GNB4: variants seen among roughly 807,000 people sequenced by gnomAD.
GNB4 encodes guanine nucleotide-binding protein subunit beta-4.
GNB4 carries 28 observed loss-of-function variants against 45.2 expected under a neutral mutation model. The observed-to-expected ratio is 0.62, with a 90% CI of 0.46 to 0.85. The LOEUF is 0.85. Among genes scored for constraint, GNB4 ranks in the 40% least tolerant of loss-of-function variants. The pLI is 0.00. For synonymous variants in GNB4, 132 were observed against 143.7 expected (o/e 0.92, Z 0.58); for missense variants, 321 against 425.4 (o/e 0.75, Z 2.16).
chr3:179,465,231 A>C, the GNB4 span: 18 of 1,435,026 alleles, frequency 1.3e-5, no homozygotes, highest in Non-Finnish European at 1.6e-5. Context: ...GTGGATTTTG[A>C]AGGAGTCAGA....
At chr3:179,521,950 CT>C in the GNB4 span, among the ~76,000 whole-genome samples, 1 of 152,168 alleles carries the variant, frequency 6.6e-6, no homozygotes, top group Non-Finnish European at 1.5e-5. Flanking sequence ...CAAGCTGCCC[CT>C]AATCCCACTC....
chr3:179,449,881 C>G (rs1406031829), intron 1 of GNB4, among the ~76,000 whole-genome samples: 6 of 152,146 alleles, frequency 3.9e-5, no homozygotes, highest in African/African-American at 1.4e-4. Context: ...TTCAAATTGC[C>G]CCAGAGTCTA....
At chr3:179,418,596 A>G (rs1714881727) in intron 4 of GNB4, among the ~76,000 whole-genome samples, 1 of 152,182 alleles carries the variant, frequency 6.6e-6, no homozygotes, top group African/African-American at 2.4e-5. Context: ...ATTGTGGTCA[A>G]GTATCCCAAT....
chr3:179,412,267 G>A (rs1360137249), intron 8 of GNB4, among the ~76,000 whole-genome samples: 2 of 151,974 alleles, frequency 1.3e-5, no homozygotes, highest in African/African-American at 4.8e-5. Context: ...AGGAGTTCAA[G>A]AGCAGCCTGG....
chr3:179,506,032 T>C, the GNB4 span, among the ~76,000 whole-genome samples: 1 of 152,214 alleles, frequency 6.6e-6, no homozygotes, highest in African/African-American at 2.4e-5. Context: ...TATTAAAAAG[T>C]TGAATAGCAG....
intron 3 of GNB4, 85 bp downstream of exon 3, chr3:179,420,804 A>T: frequency 2.4e-6 from 2 of 826,698 alleles, no homozygotes; most frequent in Non-Finnish European, 4.2e-6. Flanking sequence ...ATTAAGCACT[A>T]ATACAAGAAT....
chr3:179,492,853 C>T, the GNB4 span, among the ~76,000 whole-genome samples: 2 of 152,210 alleles, frequency 1.3e-5, no homozygotes, highest in African/African-American at 4.8e-5. Flanking sequence ...ACCCCAGCAG[C>T]TTTTGACACT....
At chr3:179,462,921 C>T in the GNB4 span, among the ~76,000 whole-genome samples, 7 of 152,220 alleles carry the variant, frequency 4.6e-5, no homozygotes, top group Middle Eastern at 3.4e-3. Context: ...ATTCTTACCA[C>T]CCAACCCAAC....
At chr3:179,527,030 G>C in the GNB4 span, among the ~76,000 whole-genome samples, 1 of 152,172 alleles carries the variant, frequency 6.6e-6, no homozygotes, top group Admixed American at 6.5e-5. Context: ...GCATTGTTCT[G>C]GGAAAAGGGT....
chr3:179,455,224 G>A (rs1194463857), upstream of GNB4, among the ~76,000 whole-genome samples: 1 of 152,166 alleles, frequency 6.6e-6, no homozygotes, highest in Non-Finnish European at 1.5e-5. Context: ...ATGGGAGAGG[G>A]AACTAGAAGC....
the GNB4 span, among the ~76,000 whole-genome samples, chr3:179,511,799 G>A: frequency 1.3e-5 from 2 of 151,994 alleles, no homozygotes; most frequent in African/African-American, 2.4e-5. Context: ...ACCTCATCTG[G>A]TGCTTTTCAC....
At chr3:179,465,452 A>C in the GNB4 span, 1 of 360,120 alleles carries the variant, frequency 2.8e-6, no homozygotes, top group Non-Finnish European at 5.1e-6. Context: ...AAAATACAAA[A>C]AAAAAAATTA....
intron 1 of GNB4, among the ~76,000 whole-genome samples, chr3:179,435,163 T>G (rs1715410865): frequency 6.6e-6 from 1 of 152,228 alleles, no homozygotes; most frequent in African/African-American, 2.4e-5. Context: ...AAACCCAGGC[T>G]GTTTACCACT....
chr3:179,416,010 ATG>A (rs970026845), intron 5 of GNB4, among the ~76,000 whole-genome samples: 2 of 152,064 alleles, frequency 1.3e-5, no homozygotes, highest in Admixed American at 1.3e-4. Flanking sequence ...CTTCCAGTGG[ATG>A]TATTAGGACC....
chr3:179,422,639 A>T (rs1378019558), intron 2 of GNB4, among the ~76,000 whole-genome samples: 1 of 152,228 alleles, frequency 6.6e-6, no homozygotes, highest in African/African-American at 2.4e-5. Flanking sequence ...CAATTACACA[A>T]GAAAACAAAA....
chr3:179,471,896 T>G, the GNB4 span, among the ~76,000 whole-genome samples: 2 of 152,224 alleles, frequency 1.3e-5, no homozygotes, highest in African/African-American at 4.8e-5. Context: ...CAGTGTGTAC[T>G]AAGAGCATTA....
the GNB4 span, among the ~76,000 whole-genome samples, chr3:179,515,636 G>T: frequency 6.6e-6 from 1 of 152,156 alleles, no homozygotes; most frequent in Non-Finnish European, 1.5e-5. Context: ...CCATCTGGAT[G>T]TATACATGCA....
chr3:179,512,419 T>G, the GNB4 span, among the ~76,000 whole-genome samples: 4 of 152,286 alleles, frequency 2.6e-5, no homozygotes, highest in Admixed American at 6.5e-5. Flanking sequence ...AATGCTACAT[T>G]TAGAGAACAA....
chr3:179,464,292 C>G, the GNB4 span: 2 of 554,702 alleles, frequency 3.6e-6, no homozygotes, highest in Non-Finnish European at 6.5e-6. Flanking sequence ...GACTCCATCT[C>G]TACTAAAAAT....
Sources: gnomAD v4.1 joint callset for allele counts (sites outside exome capture counted in the v4.1 genomes callset) on GRCh38, gnomAD v4.1.1 for gene constraint, MANE v1.5 for transcripts, NCBI Gene and HGNC (gene_info 2026-07-23, HGNC 2026-07-21) for gene names.